Variants in TEX15 observed in about 807,000 individuals in gnomAD.
The protein encoded by TEX15 is testis expressed 15, meiosis and synapsis associated.
Under a neutral mutation model 237.3 loss-of-function variants are expected in TEX15, and 171 were observed. The observed-to-expected ratio is 0.72, with a 90% CI of 0.64 to 0.82. TEX15 has a LOEUF of 0.82. Ranked by LOEUF, TEX15 falls within the 40% of genes least tolerant of loss-of-function variation. TEX15 has a pLI of 0.00. For synonymous variants in TEX15, 1,338 were observed against 1,269.8 expected (o/e 1.05, Z -1.14); for missense variants, 3,750 against 3,646.5 (o/e 1.03, Z -0.73).
chr8:30,883,158 T>G (rs1808567999), intron 3 of TEX15, among the ~76,000 whole-genome samples: 1 of 152,028 alleles, frequency 6.6e-6, no homozygotes, highest in African/African-American at 2.4e-5. Context: ...TCATCCAGAG[T>G]GGAGTGCAGT....
intron 3 of TEX15, among the ~76,000 whole-genome samples, chr8:30,876,501 C>T (rs1379748737): frequency 6.6e-6 from 1 of 152,108 alleles, no homozygotes; most frequent in East Asian, 1.9e-4. Flanking sequence ...AATTTAGCTG[C>T]TTTTCTATCT....
intron 5 of TEX15, among the ~76,000 whole-genome samples, chr8:30,866,787 A>G (rs934041790): frequency 4.6e-5 from 7 of 151,932 alleles, no homozygotes; most frequent in Non-Finnish European, 8.8e-5. Context: ...CCCTGTGCCC[A>G]GCTTTTCTTA....
chr8:30,866,093 C>T (rs956974322), intron 5 of TEX15, among the ~76,000 whole-genome samples: 1 of 151,778 alleles, frequency 6.6e-6, no homozygotes, highest in African/African-American at 2.4e-5. Flanking sequence ...AGTAAAGTTG[C>T]AGGATACAAA....
In TEX15 at chr8:30,845,880, A is replaced by C. The variant is rs774807092; in HGVS notation, c.4287T>G (p.Leu1429=). ...TTTGAGACACAGAACTATAACCTTG[A>C]AGGTCACAACTTTCCCAGAAATTAT... ...ICNNFWESCD[L]QGYSSVSQRK... is the part of the protein sequence containing the mutation. The change falls in exon 8 of 11, where the codon CTT becomes CTG. Residue 1429 remains leucine (L), a synonymous_variant. Transcript: ENST00000643185. 1.2e-6 allele frequency: 2 copies of C among 1,613,262 alleles called. No individual in the cohort carries two copies. The highest frequency in any genetic ancestry group is 2.2e-5 in the South Asian group (2 of 90,952).
intron 3 of TEX15, among the ~76,000 whole-genome samples, chr8:30,879,927 C>CT (rs55942711): frequency 3.1e-4 from 42 of 136,828 alleles, no homozygotes; most frequent in East Asian, 1.6e-3. Context: ...TTTAGATTTC[C>CT]TTTTTTTTTT....
Position 30,887,227 on chromosome 8 carries a change from G to T in TEX15, c.76C>A (p.Arg26Ser). ...SSTSKPVLNTREVNPLKKFTI... is the reference protein window; with the variant it reads ...SSTSKPVLNTSEVNPLKKFTI... ...AATTTCTTCAAAGGATTGACTTCAC[G>T]AGTATTCAACACGGGTTTGCTAGTT... The change falls in exon 3 of 11, where the codon CGT becomes AGT. Residue 26 changes from arginine to serine, a missense_variant. Transcript: ENST00000643185. The T allele has an allele frequency of 6.5e-7, 1 of 1,535,812 alleles. No homozygotes were observed. The highest frequency in any genetic ancestry group is 2.4e-5 in the East Asian group (1 of 40,880).
At chr8:30,903,199 G>C (rs569662271) in intron 1 of TEX15, among the ~76,000 whole-genome samples, 8 of 152,230 alleles carry the variant, frequency 5.3e-5, no homozygotes, top group African/African-American at 1.9e-4. Flanking sequence ...TTTGGGGCAG[G>C]CTCTCCTCTA....
chr8:30,841,644 C>T (rs188189323), intron 8 of TEX15, among the ~76,000 whole-genome samples: 3 of 152,304 alleles, frequency 2.0e-5, no homozygotes, highest in African/African-American at 7.2e-5. Flanking sequence ...CTACACGGGG[C>T]ATAGGCTTGT....
At chr8:30,838,723 T>TAC (rs1563228837) in intron 9 of TEX15, among the ~76,000 whole-genome samples, 2 of 138,066 alleles carry the variant, frequency 1.4e-5, no homozygotes, top group African/African-American at 5.2e-5. Flanking sequence ...CACACATATA[T>TAC]ACACACACAC....
At position 30,847,133 on chromosome 8, in the gene TEX15, A is replaced by G; in HGVS notation, c.3034T>C (p.Ser1012Pro). The change falls in exon 8 of 11, where the codon TCT becomes CCT. Residue 1012 changes from serine (S) to proline (P), a missense_variant. Physicochemically the swap from Ser to Pro is moderately conservative, Grantham distance 74. Transcript: ENST00000643185. ...AAACCAAAATCTGGACTTTCAGAAG[A>G]ACAAGTTTCTTTAAACTGGTATATC... ...HQIYQFKETCSSESPDFGLLV... is the reference protein window; with the variant it reads ...HQIYQFKETCPSESPDFGLLV... 1 of 1,613,832 alleles carries G rather than the reference A, an allele frequency of 6.2e-7. No homozygotes were observed. Among genetic ancestry groups the G allele is most frequent in the Non-Finnish European group, 8.5e-7 (1 of 1,179,844 alleles).
chr8:30,855,542 G>C (rs553507822), intron 7 of TEX15, among the ~76,000 whole-genome samples: 2 of 152,164 alleles, frequency 1.3e-5, no homozygotes, highest in Admixed American at 6.5e-5. Context: ...GCAGTTCCTT[G>C]ATTAGTTACT....
intron 8 of TEX15, among the ~76,000 whole-genome samples, chr8:30,840,881 A>G (rs1391727039): frequency 6.6e-6 from 1 of 152,100 alleles, no homozygotes; most frequent in African/African-American, 2.4e-5. Context: ...ATTCTTACCC[A>G]CTAAGTTAAA....
chr8:30,846,277 G>C lies in TEX15; in HGVS notation c.3890C>G (p.Ser1297Ter). 6.2e-7 allele frequency: 1 copy of C among 1,613,228 alleles called. No homozygotes were observed. Among genetic ancestry groups the C allele is most frequent in the Non-Finnish European group, 8.5e-7 (1 of 1,179,662 alleles). The change falls in exon 8 of 11, where the codon TCA becomes TGA. Residue 1297 changes from serine (S) to a stop codon, truncating the protein, a stop_gained. Coordinates refer to ENST00000643185, the MANE Select transcript of TEX15 (RefSeq NM_001350162.2). LOFTEE classifies it high-confidence loss of function. ...ATGTAGCTTCCTTTTGCTAATTCTT[G>C]ATTCTACCTCCTTTTTATTTTTGGT... ...NDTKNKKEVE[S>*]RISKRKLHIS...
intron 5 of TEX15, among the ~76,000 whole-genome samples, chr8:30,861,971 G>A (rs894827798): frequency 6.6e-6 from 1 of 152,040 alleles, no homozygotes; most frequent in Non-Finnish European, 1.5e-5. Flanking sequence ...CCACACATTA[G>A]ACTGGCAAAA....
chr8:30,844,864 T>C lies in TEX15; in HGVS notation c.5303A>G (p.Lys1768Arg). 6.2e-7 allele frequency: 1 copy of C among 1,613,508 alleles called. No individual in the cohort carries two copies. Among genetic ancestry groups the C allele is most frequent in the Middle Eastern group, 1.6e-4 (1 of 6,062 alleles). The change falls in exon 8 of 11, where the codon AAG becomes AGG. Residue 1768 changes from lysine (K) to arginine (R), a missense_variant. Lys to Arg is a conservative substitution (Grantham distance 26). Transcript: ENST00000643185. ...EQSCREKELLKTEQCSSGNCL... is the reference protein window; with the variant it reads ...EQSCREKELLRTEQCSSGNCL... ...ATTACCTGAAGAGCACTGTTCTGTC[T>C]TTAGAAGCTCTTTTTCTCTACAGCT...
rs1316495620 is a variant in TEX15 at position 30,844,908 on chromosome 8, A to G, written c.5259T>C (p.Thr1753=). The change falls in exon 8 of 11, where the codon ACT becomes ACC. Residue 1753 remains threonine (T), a synonymous_variant. Transcript: ENST00000643185. ...TACAGCTCTGCTCACAGTGTGGTAC[A>G]GTACTGGATGCTGCAAAAGAATCTA... ...LTVDSFAASS[T]VPHCEQSCRE... is the part of the protein sequence containing the mutation. The G allele has an allele frequency of 2.5e-6, 4 of 1,613,488 alleles. 1 individual carries two copies. The East Asian group carries it at 8.9e-5, about 36-fold the overall frequency.
intron 9 of TEX15, 33 bp from the exon 10 acceptor site, chr8:30,838,094 T>G (rs765180215): frequency 2.0e-6 from 3 of 1,521,788 alleles, no homozygotes; most frequent in African/African-American, 2.8e-5. Context: ...AAAAATGAAT[T>G]TAAATATATA....
rs780845621 is a variant in TEX15, at chr8:30,842,517, T to C, written c.7650A>G (p.Glu2550=). The C allele has an allele frequency of 6.2e-7, 1 of 1,611,724 alleles. No individual in the cohort carries two copies. Among genetic ancestry groups the C allele is most frequent in the Admixed American group, 1.7e-5 (1 of 59,852 alleles). ...TGGACTTCTTCAGAAGCTTTTTTAT[T>C]TCTGAAAGTTCTTGAAGTTCTCTTG... ...LLSRELQELS[E]IKKLLKKSKY... Residue 2550 remains glutamate (E), a synonymous_variant, in exon 8 of 11, where the codon GAA becomes GAG. Transcript: ENST00000643185.
In TEX15 at chr8:30,849,086, T is replaced by C. The variant is rs1306052760; in HGVS notation, c.1081A>G (p.Thr361Ala). The change falls in exon 8 of 11, where the codon ACA becomes GCA. Residue 361 changes from threonine (T) to alanine (A), a missense_variant. Coordinates refer to ENST00000643185, the MANE Select transcript of TEX15 (RefSeq NM_001350162.2). ...ISIPETYSGQ[T>A]EHSLAEIRDT... ...CTAATTTCTGCTAAACTGTGCTCTG[T>C]CTGTCCACTGTATGTTTCAGGTATA... The C allele has an allele frequency of 3.1e-6, 5 of 1,613,216 alleles. No homozygotes were observed. The African/African-American group carries it at 5.3e-5, about 17-fold the overall frequency.
Sources: allele counts gnomAD v4.1 joint callset (sites outside exome capture counted in the v4.1 genomes callset), GRCh38; gene constraint gnomAD v4.1.1; transcripts MANE v1.5; gene names NCBI Gene and HGNC (gene_info 2026-07-23, HGNC 2026-07-21).